The following TTLL2 variants were observed in gnomAD, a reference collection of about 807,000 sequenced individuals.
TTLL2 encodes the protein tubulin tyrosine ligase like 2, also known as probable tubulin polyglutamylase TTLL2.
In TTLL2, 10 loss-of-function variants were observed where a neutral mutation model predicts 7.5. The ratio of observed to expected loss-of-function variants is 1.33; its 90% CI spans 0.82 to 2.25. The LOEUF is 2.25. Among genes scored for constraint, TTLL2 ranks in the 30% most tolerant of loss-of-function variants. The pLI is 0.00. For missense variants in TTLL2, 733 were observed against 735.7 expected, an observed-to-expected ratio of 1.00 and a Z score of 0.04; for synonymous variants, 284 against 280.3, an observed-to-expected ratio of 1.01 and a Z score of -0.13.
chr6:167,340,601 A>G lies in TTLL2; in HGVS notation c.701A>G (p.Asp234Gly). 6.2e-7 allele frequency: 1 copy of G among 1,614,190 alleles called. No homozygotes were observed. Among genetic ancestry groups the G allele is most frequent in the Non-Finnish European group, 8.5e-7 (1 of 1,180,040 alleles). The change falls in exon 3 of 3, where the codon GAT becomes GGT. Residue 234 changes from aspartate (D) to glycine (G), a missense_variant. Physicochemically the swap from Asp to Gly is moderately conservative, Grantham distance 94. Coordinates refer to ENST00000239587, the MANE Select transcript of TTLL2 (RefSeq NM_031949.5). ...AGTGACTTTAAAGACTTCATCTTTG[A>G]TGATATGTACATAGTGCAGAAATAT... ...IFSDFKDFIF[D>G]DMYIVQKYIS...
chr6:167,331,551 T>C (rs915745518), intron 1 of TTLL2, among the ~76,000 whole-genome samples: 1 of 152,232 alleles, frequency 6.6e-6, no homozygotes, highest in African/African-American at 2.4e-5. Context: ...TTATGTAATG[T>C]TCTCCAGTTC....
In TTLL2 at chr6:167,341,638, A is replaced by G. The variant is rs1234079190; in HGVS notation, c.1738A>G (p.Ile580Val). 22 of 1,612,978 alleles carry G rather than the reference A, an allele frequency of 1.4e-5. No individual in the cohort carries two copies. Among genetic ancestry groups the G allele is most frequent in the Non-Finnish European group, 1.9e-5 (22 of 1,179,720 alleles). The change falls in exon 3 of 3, where the codon ATC (isoleucine) becomes GTC (valine). Residue 580 changes from isoleucine to valine, a missense_variant. Ile to Val is a conservative substitution (Grantham distance 29, BLOSUM62 3). Transcript: ENST00000239587. Reference sequence around the variant, plus strand: ...GAATGGATTAAATGTCAAAAGAATAATCCAAGAGCTCCAGAAACTAATGAA... The same window carrying G: ...GAATGGATTAAATGTCAAAAGAATAGTCCAAGAGCTCCAGAAACTAATGAA... Reference protein sequence around the residue: ...SRNGLNVKRIIQELQKLMNKQ... With the variant: ...SRNGLNVKRIVQELQKLMNKQ...
At chr6:167,337,225 T>G (rs1307282161) in intron 1 of TTLL2, among the ~76,000 whole-genome samples, 1 of 152,224 alleles carries the variant, frequency 6.6e-6, no homozygotes, top group African/African-American at 2.4e-5. Flanking sequence ...GAGTATGCAT[T>G]GCTCTCTGGA....
chr6:167,334,170 A>C (rs1318947191), intron 1 of TTLL2, among the ~76,000 whole-genome samples: 1 of 143,880 alleles, frequency 7.0e-6, no homozygotes, highest in East Asian at 2.0e-4. Context: ...TTCAAAGAAC[A>C]TCTTTATTTC....
chr6:167,337,274 G>T (rs778467072), intron 1 of TTLL2, among the ~76,000 whole-genome samples: 1 of 152,228 alleles, frequency 6.6e-6, no homozygotes, highest in Admixed American at 6.5e-5. Flanking sequence ...AGTTGAAATG[G>T]GGTCCCCAAC....
intron 1 of TTLL2, among the ~76,000 whole-genome samples, chr6:167,326,990 T>A (rs928934196): frequency 1.3e-5 from 2 of 151,436 alleles, no homozygotes; most frequent in Admixed American, 1.3e-4. Flanking sequence ...CCATAGAGGG[T>A]CTGGGGACCT....
In TTLL2 at chr6:167,341,996, A is replaced by G. The variant is rs1188680593; in HGVS notation, c.*317A>G. On this transcript the variant is annotated 3_prime_UTR_variant, in exon 3 of 3. Coordinates refer to ENST00000239587, the MANE Select transcript of TTLL2 (RefSeq NM_031949.5). Reference sequence around the variant, plus strand: ...TATGCTATGTATGTATTTAAAGAGGAGAAAAAGATTATTCTAATATTTTTA... The same window carrying G: ...TATGCTATGTATGTATTTAAAGAGGGGAAAAAGATTATTCTAATATTTTTA... The G allele has an allele frequency of 4.3e-6, 1 of 230,284 alleles. No individual in the cohort carries two copies. The highest frequency in any genetic ancestry group is 2.3e-5 in the African/African-American group (1 of 44,142). The allele number at this position is 230,284 out of a possible 1,614,324, so 14.3% of individuals were successfully genotyped here.
intron 1 of TTLL2, among the ~76,000 whole-genome samples, chr6:167,331,945 G>A (rs559006064): frequency 6.6e-6 from 1 of 152,250 alleles, no homozygotes; most frequent in African/African-American, 2.4e-5. Context: ...TGTGACTCTG[G>A]GGGCTGTATG....
intron 1 of TTLL2, chr6:167,328,014 C>A (rs1302085742): frequency 4.4e-6 from 2 of 456,156 alleles, no homozygotes; most frequent in Non-Finnish European, 4.4e-6. Context: ...TTCGATGACA[C>A]CTGAAATTCC....
rs1562373691 is a variant in TTLL2 at position 167,340,554 on chromosome 6, T to A, written c.654T>A (p.Arg218=). The A allele has an allele frequency of 6.2e-7, 1 of 1,614,136 alleles. No individual in the cohort carries two copies. Among genetic ancestry groups the A allele is most frequent in the Non-Finnish European group, 8.5e-7 (1 of 1,180,016 alleles). ...TTTGCAAGCCTGCTGAGTTATCTCG[T>A]GGGAGGGGGATACTAATTTTCAGTG... is the stretch of plus-strand genomic sequence containing the variant. ...YWICKPAELS[R]GRGILIFSDF... is the part of the protein sequence containing the mutation. The change falls in exon 3 of 3, where the codon CGT becomes CGA. Residue 218 remains arginine, a synonymous_variant. Coordinates refer to ENST00000239587, the MANE Select transcript of TTLL2 (RefSeq NM_031949.5).
chr6:167,334,461 C>T (rs557450826), intron 1 of TTLL2, among the ~76,000 whole-genome samples: 81 of 151,758 alleles, frequency 5.3e-4, no homozygotes, highest in African/African-American at 1.6e-3. Flanking sequence ...CTATTAGGTC[C>T]GCTTGGTGCA....
chr6:167,339,742 C>A (rs1415798354), intron 2 of TTLL2, among the ~76,000 whole-genome samples: 1 of 152,194 alleles, frequency 6.6e-6, no homozygotes, highest in East Asian at 1.9e-4. Flanking sequence ...GTGTTTTGTT[C>A]TTAATCATGC....
intron 2 of TTLL2, 64 bp downstream of exon 2, chr6:167,338,867 C>CCTTA: frequency 6.9e-7 from 1 of 1,459,774 alleles, no homozygotes; most frequent in East Asian, 2.5e-5. Context: ...TTCCTTCCTT[C>CCTTA]TTTCCTCCTT....
chr6:167,338,618 G>T, intron 1 of TTLL2, 29 bp from the exon 2 acceptor site: 1 of 1,598,242 alleles, frequency 6.3e-7, no homozygotes, highest in South Asian at 1.1e-5. Flanking sequence ...GATGCTGTGT[G>T]TTCATTGTTG....
chr6:167,341,642 A>T lies in TTLL2; in HGVS notation c.1742A>T (p.Gln581Leu). The T allele has an allele frequency of 6.2e-7, 1 of 1,612,954 alleles. No homozygotes were observed. The highest frequency in any genetic ancestry group is 1.1e-5 in the South Asian group (1 of 90,824). ...RNGLNVKRII[Q>L]ELQKLMNKQH... The stretch of plus-strand genomic sequence containing the variant: ...GGATTAAATGTCAAAAGAATAATCC[A>T]AGAGCTCCAGAAACTAATGAATAAG... Residue 581 changes from glutamine to leucine, a missense_variant, in exon 3 of 3, where the codon CAA becomes CTA. Transcript: ENST00000239587.
chr6:167,340,788 T>C lies in TTLL2; in HGVS notation c.888T>C (p.His296=). ...GTAATTTGCAAAACAATTATGCCCA[T>C]TTGACCAACAGCAGCATCAATAAAT... The part of the protein sequence containing the change: ...DLSNLQNNYA[H]LTNSSINKSG... Residue 296 remains histidine, a synonymous_variant, in exon 3 of 3, where the codon CAT becomes CAC. Transcript: ENST00000239587. The C allele has an allele frequency of 1.2e-6, 2 of 1,614,168 alleles. No homozygotes were observed. The highest frequency in any genetic ancestry group is 2.2e-5 in the East Asian group (1 of 44,882).
chr6:167,325,990 T>C lies in TTLL2; in HGVS notation c.47+770T>C, dbSNP rs543019692. The stretch of plus-strand genomic sequence containing the variant: ...GCAAGGCCGTGAGTGCCTGCCGGCC[T>C]GTAGCCTCCACACCGCAGGCAGAGG... On this transcript the variant is annotated intron_variant, in intron 1 of 2. Transcript: ENST00000239587. 3.9e-5 allele frequency among the ~76,000 whole-genome samples: 6 copies of C among 152,274 alleles called. No homozygotes were observed. In the South Asian group the frequency reaches 1.2e-3, roughly 32 times the overall value.
chr6:167,325,838 T>A (rs1778841276), intron 1 of TTLL2, among the ~76,000 whole-genome samples: 1 of 152,096 alleles, frequency 6.6e-6, no homozygotes, highest in South Asian at 2.1e-4. Flanking sequence ...TGGGCTTCCA[T>A]CAGCAGAAAC....
intron 1 of TTLL2, among the ~76,000 whole-genome samples, chr6:167,329,825 G>T (rs1778897299): frequency 6.6e-6 from 1 of 152,148 alleles, no homozygotes; most frequent in Non-Finnish European, 1.5e-5. Flanking sequence ...AGTCGTTCTT[G>T]TCTGGTTCCA....
Sources: allele counts gnomAD v4.1 joint callset (sites outside exome capture counted in the v4.1 genomes callset), GRCh38; gene constraint gnomAD v4.1.1; transcripts MANE v1.5; gene names NCBI Gene and HGNC (gene_info 2026-07-23, HGNC 2026-07-21).